The following TMED3 variants were observed in gnomAD, a reference collection of about 807,000 sequenced individuals.
The protein encoded by TMED3 is transmembrane p24 trafficking protein 3.
TMED3 carries 9 observed loss-of-function variants against 15.0 expected under a neutral mutation model. The observed-to-expected ratio is 0.60, with a 90% CI of 0.36 to 1.04. The LOEUF is 1.04. Among genes scored for constraint, TMED3 ranks in the 50% least tolerant of loss-of-function variants. The pLI, the probability that TMED3 is intolerant of heterozygous loss-of-function variation, is 0.01. For missense variants in TMED3, 267 were observed against 278.9 expected (o/e 0.96, Z 0.30); for synonymous variants, 117 against 121.4 (o/e 0.96, Z 0.24).
chr15:79,331,268 T>C (rs911562402), intron 2 of TMED3, among the ~76,000 whole-genome samples: 4 of 152,052 alleles, frequency 2.6e-5, no homozygotes, highest in African/African-American at 9.7e-5. Flanking sequence ...CATAACACAG[T>C]GAACTGATTT....
intron 2 of TMED3, among the ~76,000 whole-genome samples, chr15:79,337,093 A>G (rs151201792): frequency 3.5e-4 from 53 of 152,382 alleles, no homozygotes; most frequent in African/African-American, 1.3e-3. Context: ...AAAGTGTCAT[A>G]GTCCGCTGGG....
At chr15:79,333,908 A>G (rs1053198412) in intron 2 of TMED3, among the ~76,000 whole-genome samples, 3 of 152,140 alleles carry the variant, frequency 2.0e-5, no homozygotes, top group African/African-American at 7.2e-5. Context: ...CAACTTTATT[A>G]ATATATATGC....
chr15:79,330,300 A>G (rs543462902), intron 2 of TMED3, among the ~76,000 whole-genome samples: 110 of 152,356 alleles, frequency 7.2e-4, no homozygotes, highest in African/African-American at 2.6e-3. Context: ...TAAAGACTCC[A>G]CCAGAAAACT....
chr15:79,371,439 A>G (rs1490249848), intron 2 of TMED3, among the ~76,000 whole-genome samples: 3 of 152,134 alleles, frequency 2.0e-5, no homozygotes, highest in African/African-American at 7.2e-5. Context: ...CTGAAAAAAA[A>G]CCAATTCACT....
intron 2 of TMED3, among the ~76,000 whole-genome samples, chr15:79,398,646 C>G (rs1483963757): frequency 6.6e-6 from 1 of 150,836 alleles, no homozygotes; most frequent in Non-Finnish European, 1.5e-5. Flanking sequence ...TTCAGGACCT[C>G]AAGGGATTGG....
At position 79,322,043 on chromosome 15, in the gene TMED3, C is replaced by T. The variant is rs775915518; in HGVS notation, c.483C>T (p.Tyr161=). ...CGGTGATTGACTCCCAGACGCATTA[C>T]CGGCTGCGGGAGGCCCAGGACCGGG... ...LKTVIDSQTH[Y]RLREAQDRAR... The change falls in exon 3 of 3, where the codon TAC becomes TAT. Residue 161 remains tyrosine (Y), a synonymous_variant. Transcript: ENST00000299705. 1 of 1,614,234 alleles carries T rather than the reference C, an allele frequency of 6.2e-7. No homozygotes were observed. Among genetic ancestry groups the T allele is most frequent in the Admixed American group, 1.7e-5 (1 of 60,028 alleles).
rs549297004 is a variant in TMED3 at position 79,368,180 on chromosome 15, A to C, written c.418-43220A>C. ...TTAAGTTACTATTACCTTCTTGCTT[A>C]TCAAGTTCCTTATTTCTTTCTGAGG... On this transcript the variant is annotated intron_variant, in intron 2 of 2. Coordinates refer to the TMED3 transcript ENST00000424155. Among the ~76,000 whole-genome samples the C allele has an allele frequency of 3.3e-5, 5 of 152,326 alleles. No individual in the cohort carries two copies. In the South Asian group the frequency reaches 6.2e-4, roughly 19 times the overall value.
intron 2 of TMED3, among the ~76,000 whole-genome samples, chr15:79,380,599 A>AG (rs1893515760): frequency 7.1e-6 from 1 of 140,992 alleles, no homozygotes. Context: ...ATATATATAT[A>AG]TAGAGAGAGA....
intron 2 of TMED3, among the ~76,000 whole-genome samples, chr15:79,389,722 A>G (rs1162621132): frequency 6.6e-6 from 1 of 152,176 alleles, no homozygotes; most frequent in East Asian, 1.9e-4. Context: ...CCCATCCATG[A>G]GCATGGGATG....
chr15:79,389,148 T>A (rs1190945470), intron 2 of TMED3, among the ~76,000 whole-genome samples: 1 of 152,180 alleles, frequency 6.6e-6, no homozygotes, highest in East Asian at 1.9e-4. Flanking sequence ...GGGTTCTTGG[T>A]CATAAAATCC....
chr15:79,322,895 G>C, downstream of TMED3: 1 of 985,422 alleles, frequency 1.0e-6, no homozygotes, highest in South Asian at 4.7e-5. Context: ...GCTTACTGCA[G>C]AGCATGGGTG....
At chr15:79,380,389 TAAAG>T (rs1415676449) in intron 2 of TMED3, among the ~76,000 whole-genome samples, 5 of 144,710 alleles carry the variant, frequency 3.5e-5, no homozygotes, top group African/African-American at 1.3e-4. Context: ...CATATATATA[TAAAG>T]AGAGTCTCAA....
chr15:79,339,431 C>T (rs1288102554), intron 2 of TMED3, among the ~76,000 whole-genome samples: 3 of 152,194 alleles, frequency 2.0e-5, no homozygotes, highest in Non-Finnish European at 4.4e-5. Context: ...CTCATCTCCG[C>T]ACACGGGGAG....
intron 2 of TMED3, among the ~76,000 whole-genome samples, chr15:79,365,078 G>C (rs1409428172): frequency 1.3e-5 from 2 of 152,340 alleles, no homozygotes; most frequent in Admixed American, 1.3e-4. Context: ...CTCCCCTCAG[G>C]GGTTTGAGCA....
At chr15:79,383,223 G>A in intron 2 of TMED3, 1 of 563,088 alleles carries the variant, frequency 1.8e-6, no homozygotes, top group Non-Finnish European at 3.1e-6. Context: ...GGACCATCCA[G>A]CTACCCGATT....
intron 2 of TMED3, among the ~76,000 whole-genome samples, chr15:79,336,195 T>G (rs1567026423): frequency 6.6e-6 from 1 of 152,182 alleles, no homozygotes; most frequent in Non-Finnish European, 1.5e-5. Flanking sequence ...CACTCCTTTC[T>G]TATTCTGGTG....
At chr15:79,361,675 A>G (rs1187307769) in intron 2 of TMED3, among the ~76,000 whole-genome samples, 1 of 151,962 alleles carries the variant, frequency 6.6e-6, no homozygotes, top group African/African-American at 2.4e-5. Context: ...ATGTAATCAA[A>G]CACCACCTGT....
rs532377942 is a variant in TMED3, at chr15:79,312,316, T to G, written c.168+899T>G. ...TATGTGGTAGTCTCAGTCACTGATT[T>G]GTCCACTTTCAGGTCTTTGTGGACA... On this transcript the variant is annotated intron_variant, in intron 1 of 2. Coordinates refer to ENST00000299705, the MANE Select transcript of TMED3 (RefSeq NM_007364.4). Among the ~76,000 whole-genome samples, 126 of 152,362 alleles carry G rather than the reference T, an allele frequency of 8.3e-4. 1 individual carries two copies. The highest frequency in any genetic ancestry group is 6.8e-3 in the Middle Eastern group (2 of 292).
chr15:79,412,527 A>C (rs1894001806), exon 3 of TMED3: 1 of 152,382 alleles, frequency 6.6e-6, no homozygotes, highest in Non-Finnish European at 1.5e-5. Context: ...GGGTGCACGC[A>C]GACCAGCACC....
Sources: gnomAD v4.1 joint callset for allele counts (sites outside exome capture counted in the v4.1 genomes callset) on GRCh38, gnomAD v4.1.1 for gene constraint, MANE v1.5 for transcripts, NCBI Gene and HGNC (gene_info 2026-07-23, HGNC 2026-07-21) for gene names.